RIC3: variants seen among roughly 807,000 people sequenced by gnomAD.
RIC3 encodes protein RIC-3.
Under a neutral mutation model 27.3 loss-of-function variants are expected in RIC3, and 28 were observed. The observed-to-expected ratio is 1.02, with a 90% CI of 0.76 to 1.41. The LOEUF (loss-of-function observed/expected upper bound fraction) is 1.41. Among genes scored for constraint, RIC3 ranks in the 40% most tolerant of loss-of-function variants. The pLI, the probability that RIC3 is intolerant of heterozygous loss-of-function variation, is 0.00. For missense variants in RIC3, 501 were observed against 444.7 expected (o/e 1.13, Z -1.14); for synonymous variants, 184 against 160.4 (o/e 1.15, Z -1.11).
In RIC3 at chr11:8,106,774, A is replaced by G. The variant is rs865774103; in HGVS notation, c.*3924T>C. 2.6e-5 allele frequency: 4 copies of G among 152,228 alleles called. No individual in the cohort carries two copies. In the South Asian group the frequency reaches 8.3e-4, roughly 32 times the overall value. The allele number at this position is 152,228 out of a possible 1,614,324, so 9.4% of individuals were successfully genotyped here. On this transcript the variant is annotated 3_prime_UTR_variant, in exon 6 of 6. Transcript: ENST00000309737. ...GTAGCTAGAAGCAGACATGAAAGCT[A>G]ATGGTCTGACCCAGACAAGAGGTTA...
chr11:8,137,461 C>A lies in RIC3; in HGVS notation c.438G>T (p.Glu146Asp). 6.2e-7 allele frequency: 1 copy of A among 1,613,844 alleles called. No homozygotes were observed. The highest frequency in any genetic ancestry group is 8.5e-7 in the Non-Finnish European group (1 of 1,180,002). The change falls in exon 4 of 6, where the codon GAG becomes GAT. Residue 146 changes from glutamate (E) to aspartate (D), a missense_variant. Physicochemically the swap from Glu to Asp is conservative, Grantham distance 45 (BLOSUM62 2). Coordinates refer to ENST00000309737, the MANE Select transcript of RIC3 (RefSeq NM_001206671.4). Reference protein sequence around the residue: ...GNTHRKITSFELAQLQEKLKE... With the variant: ...GNTHRKITSFDLAQLQEKLKE... ...TCAGTTTTTCTTGCAGTTGAGCAAG[C>A]TCAAAACTGGCTAAAAAATAAGCAA...
At chr11:8,100,772 G>T in the RIC3 span, 4 of 1,603,466 alleles carry the variant, frequency 2.5e-6, no homozygotes, top group Non-Finnish European at 3.4e-6. Flanking sequence ...CCCTTTCTGG[G>T]GTGGTCATGG....
downstream of RIC3, chr11:8,101,107 G>C: frequency 7.7e-7 from 1 of 1,304,876 alleles, no homozygotes. Context: ...AAGAATGTGA[G>C]CTATACAGCT....
At chr11:8,097,384 C>A in the RIC3 span, 1 of 1,614,188 alleles carries the variant, frequency 6.2e-7, no homozygotes, top group Non-Finnish European at 8.5e-7. Context: ...GGGCATGTAC[C>A]CCACCTACTT....
chr11:8,152,413 A>G (rs558383970), intron 1 of RIC3, among the ~76,000 whole-genome samples: 2 of 152,380 alleles, frequency 1.3e-5, no homozygotes, highest in East Asian at 3.9e-4. Context: ...ACTGATCCAT[A>G]CTACAACATG....
the RIC3 span, chr11:8,097,092 A>G: frequency 4.5e-3 from 4,400 of 978,710 alleles, 114 homozygotes; most frequent in African/African-American, 0.062. Context: ...CCCCAGGCCC[A>G]GGCTGGCCAG....
At chr11:8,161,518 T>C (rs1245185094) in intron 1 of RIC3, among the ~76,000 whole-genome samples, 2 of 152,228 alleles carry the variant, frequency 1.3e-5, no homozygotes, top group African/African-American at 4.8e-5. Context: ...ATAACCTCTC[T>C]TGCTCTAATA....
chr11:8,133,167 G>C (rs971738302), intron 4 of RIC3, among the ~76,000 whole-genome samples: 2 of 152,146 alleles, frequency 1.3e-5, no homozygotes, highest in Non-Finnish European at 2.9e-5. Flanking sequence ...TCCCTCTTTT[G>C]TATGTGCTTG....
chr11:8,129,319 T>C (rs943292058), intron 4 of RIC3, among the ~76,000 whole-genome samples: 1 of 152,104 alleles, frequency 6.6e-6, no homozygotes, highest in Non-Finnish European at 1.5e-5. Flanking sequence ...CTTATAATCA[T>C]GCCCTCAGGA....
At chr11:8,168,457 G>C (rs1951934304) in intron 1 of RIC3, among the ~76,000 whole-genome samples, 1 of 152,108 alleles carries the variant, frequency 6.6e-6, no homozygotes, top group Non-Finnish European at 1.5e-5. Flanking sequence ...CCTTGATTTC[G>C]TACCAAGCGG....
intron 1 of RIC3, among the ~76,000 whole-genome samples, chr11:8,143,794 G>C (rs1368032822): frequency 4.3e-4 from 65 of 152,156 alleles, no homozygotes; most frequent in Non-Finnish European, 3.8e-4. Flanking sequence ...CAAGGCTACA[G>C]TAACCAAAAC....
At chr11:8,136,361 C>A (rs1200014636) in intron 4 of RIC3, among the ~76,000 whole-genome samples, 1 of 152,158 alleles carries the variant, frequency 6.6e-6, no homozygotes, top group Non-Finnish European at 1.5e-5. Flanking sequence ...GACATTTCAA[C>A]ACTTCCTTCT....
At position 8,140,147 on chromosome 11, in the gene RIC3, G is replaced by A; in HGVS notation, c.171C>T (p.Pro57=). The A allele has an allele frequency of 1.9e-6, 3 of 1,614,062 alleles. No homozygotes were observed. Among genetic ancestry groups the A allele is most frequent in the Non-Finnish European group, 2.5e-6 (3 of 1,180,020 alleles). The part of the protein sequence containing the change: ...FPPMMHHHQA[P]SDGQTPGARF... ...GAGCCCCAGGAGTCTGGCCATCTGAGGGTGCCTGGTGATGATGCATCATAG... is the reference window on the plus strand; with the variant it reads ...GAGCCCCAGGAGTCTGGCCATCTGAAGGTGCCTGGTGATGATGCATCATAG... Residue 57 remains proline, a synonymous_variant, in exon 2 of 6, where the codon CCC becomes CCT. Coordinates refer to ENST00000309737, the MANE Select transcript of RIC3 (RefSeq NM_001206671.4).
chr11:8,134,076 A>G (rs1948071928), intron 4 of RIC3, among the ~76,000 whole-genome samples: 1 of 151,928 alleles, frequency 6.6e-6, no homozygotes, highest in Non-Finnish European at 1.5e-5. Context: ...TACACGTGCC[A>G]TGTTGGTGTG....
intron 4 of RIC3, chr11:8,128,163 A>G (rs1183548346): frequency 2.2e-6 from 1 of 456,824 alleles, no homozygotes; most frequent in Admixed American, 2.4e-5. Context: ...CCTATTTCTT[A>G]CTGTTAAAAC....
chr11:8,145,542 A>G (rs1267746041), intron 1 of RIC3, among the ~76,000 whole-genome samples: 1 of 152,148 alleles, frequency 6.6e-6, no homozygotes, highest in Non-Finnish European at 1.5e-5. Context: ...TCTCTTTCCA[A>G]TCAGCTATAG....
At chr11:8,126,352 T>C (rs1006398887) in intron 5 of RIC3, among the ~76,000 whole-genome samples, 7 of 152,162 alleles carry the variant, frequency 4.6e-5, no homozygotes, top group Admixed American at 4.6e-4. Context: ...ATATGCAGTA[T>C]GATCACTTAC....
chr11:8,132,588 C>T (rs58369680), intron 4 of RIC3, among the ~76,000 whole-genome samples: 3,376 of 152,234 alleles, frequency 0.022, 115 homozygotes, highest in African/African-American at 0.078. Flanking sequence ...AGACCTACAT[C>T]CCTCACAAGT....
chr11:8,124,827 T>C (rs1324047399), intron 5 of RIC3, among the ~76,000 whole-genome samples: 1 of 152,202 alleles, frequency 6.6e-6, no homozygotes, highest in African/African-American at 2.4e-5. Flanking sequence ...ACCTCAGTCC[T>C]GACACCTCAG....
Sources: allele counts gnomAD v4.1 joint callset (sites outside exome capture counted in the v4.1 genomes callset), GRCh38; gene constraint gnomAD v4.1.1; transcripts MANE v1.5; gene names NCBI Gene and HGNC (gene_info 2026-07-23, HGNC 2026-07-21).